REV3L: variants seen among roughly 807,000 people sequenced by gnomAD.
The protein encoded by REV3L is DNA polymerase zeta catalytic subunit.
REV3L carries 69 observed loss-of-function variants against 299.4 expected under a neutral mutation model. The observed-to-expected ratio is 0.23, with a 90% CI of 0.19 to 0.28. The LOEUF (loss-of-function observed/expected upper bound fraction) is 0.28. Among genes scored for constraint, REV3L ranks in the 10% least tolerant of loss-of-function variants. The probability of loss-of-function intolerance (pLI) is 1.00; values close to 1 mark genes in which losing one functional copy is unlikely to be tolerated. For synonymous variants in REV3L, 1,238 were observed against 1,271.4 expected (o/e 0.97, Z 0.56); for missense variants, 3,128 against 3,693.8 (o/e 0.85, Z 3.97).
intron 1 of REV3L, among the ~76,000 whole-genome samples, chr6:111,435,568 T>C (rs1412289616): frequency 1.3e-5 from 2 of 152,102 alleles, no homozygotes; most frequent in African/African-American, 4.8e-5. Flanking sequence ...AAAAAAACAG[T>C]CTCTTCAACA....
chr6:111,483,659 T>C, upstream of REV3L: 1 of 419,942 alleles, frequency 2.4e-6, no homozygotes, highest in Non-Finnish European at 4.8e-6. Context: ...AGACGGTTTT[T>C]CACAAGGTAA....
At chr6:111,431,001 G>T in intron 1 of REV3L, 3 of 1,568,378 alleles carry the variant, frequency 1.9e-6, no homozygotes, top group Non-Finnish European at 2.6e-6. Context: ...GAGGACAAAA[G>T]AACAAAGTCA....
At chr6:111,380,307 T>C (rs1175108931) in intron 10 of REV3L, 88 bp from the exon 11 acceptor site, 11 of 904,256 alleles carry the variant, frequency 1.2e-5, no homozygotes, top group Admixed American at 1.1e-4. Context: ...AGGCTGGAGT[T>C]GGAGTGCAGT....
In REV3L at chr6:111,322,692, C is replaced by T. The variant is rs1774317024; in HGVS notation, c.8242-14G>A. ...ACTATCGCCAACCTGTTGGTACAAA[C>T]ACATTGGAAATAATTTCTTAACATA... On this transcript the variant is annotated splice_polypyrimidine_tract_variant and intron_variant, in intron 25 of 31. Transcript: ENST00000368802. 1 of 1,595,280 alleles carries T rather than the reference C, an allele frequency of 6.3e-7. No individual in the cohort carries two copies. Among genetic ancestry groups the T allele is most frequent in the South Asian group, 1.1e-5 (1 of 90,680 alleles).
chr6:111,395,173 T>C, intron 4 of REV3L, among the ~76,000 whole-genome samples: 1 of 152,234 alleles, frequency 6.6e-6, no homozygotes, highest in Admixed American at 6.5e-5. Context: ...TTGCTCAGGA[T>C]TGCTTTGGCT....
chr6:111,311,010 C>G, intron 29 of REV3L, 59 bp downstream of exon 29: 1 of 1,409,352 alleles, frequency 7.1e-7, no homozygotes, highest in Non-Finnish European at 9.6e-7. Flanking sequence ...TCATTTGGGT[C>G]TTCTAGACCT....
intron 11 of REV3L, among the ~76,000 whole-genome samples, chr6:111,379,726 C>A (rs1780639468): frequency 6.6e-6 from 1 of 152,168 alleles, no homozygotes; most frequent in Admixed American, 6.5e-5. Context: ...ATTTATCACT[C>A]ACATATGTTA....
intron 1 of REV3L, chr6:111,431,568 C>T (rs1008774973): frequency 1.2e-5 from 9 of 778,466 alleles, no homozygotes; most frequent in Admixed American, 1.9e-5. Flanking sequence ...GTCCCTCATA[C>T]AGAGAAATGC....
intron 1 of REV3L, among the ~76,000 whole-genome samples, chr6:111,447,943 G>A (rs907525384): frequency 2.0e-5 from 3 of 151,934 alleles, no homozygotes; most frequent in African/African-American, 4.8e-5. Flanking sequence ...GAATTTATAG[G>A]TTATTTCCCC....
chr6:111,303,701 CTTTTTTTTTTTTTTTTT>C lies in REV3L; in HGVS notation c.9253-3562_9253-3546del, dbSNP rs58366929. ...TTTTTTTTTTTTTAACAGACTATGA[CTTTTTTTTTTTTTTTTT>C]TTTTTTTTTTTTTTTTTTTAAGATG... is the stretch of plus-strand genomic sequence containing the variant. On this transcript the variant is annotated intron_variant, in intron 31 of 31. Coordinates refer to ENST00000368802, the MANE Select transcript of REV3L (RefSeq NM_001372078.1). Among the ~76,000 whole-genome samples the C allele has an allele frequency of 3.0e-3, 38 of 12,644 alleles. No homozygotes were observed. In the East Asian group the frequency reaches 0.05, roughly 17 times the overall value. 8.3% of individuals were successfully genotyped at this position (12,644 alleles called of 152,430 possible).
chr6:111,308,076 G>T, intron 30 of REV3L: 1 of 311,860 alleles, frequency 3.2e-6, no homozygotes, highest in Non-Finnish European at 6.3e-6. Flanking sequence ...GAGAATGATG[G>T]TTTCCAGCTT....
At chr6:111,412,778 A>AC (rs1035130815) in intron 2 of REV3L, among the ~76,000 whole-genome samples, 4 of 151,560 alleles carry the variant, frequency 2.6e-5, no homozygotes, top group Non-Finnish European at 5.9e-5. Flanking sequence ...AAAAAAAAAA[A>AC]AAACAACTAT....
intron 1 of REV3L, among the ~76,000 whole-genome samples, chr6:111,428,443 A>T (rs1040408647): frequency 2.7e-4 from 41 of 152,338 alleles, no homozygotes; most frequent in African/African-American, 8.7e-4. Flanking sequence ...GATACTCTCA[A>T]TAGCACAATG....
chr6:111,402,876 C>T (rs1049482350), intron 4 of REV3L, among the ~76,000 whole-genome samples: 1 of 152,090 alleles, frequency 6.6e-6, no homozygotes, highest in African/African-American at 2.4e-5. Context: ...GCAAAAGATG[C>T]TAAAACACTT....
intron 19 of REV3L, among the ~76,000 whole-genome samples, chr6:111,350,906 C>T (rs1458095101): frequency 6.6e-6 from 1 of 151,922 alleles, no homozygotes; most frequent in African/African-American, 2.4e-5. Context: ...CAATTTTTTG[C>T]AAAGCTAAAA....
chr6:111,433,743 C>A (rs1582976873), intron 1 of REV3L, among the ~76,000 whole-genome samples: 1 of 152,072 alleles, frequency 6.6e-6, no homozygotes, highest in East Asian at 1.9e-4. Flanking sequence ...GACAAGGACA[C>A]AACCAAAAAA....
At chr6:111,343,201 A>G (rs1776700043) in intron 21 of REV3L, among the ~76,000 whole-genome samples, 1 of 152,240 alleles carries the variant, frequency 6.6e-6, no homozygotes, top group African/African-American at 2.4e-5. Context: ...GTGGGTGGGT[A>G]AGTTATATTC....
At chr6:111,468,349 A>G (rs1178317482) in intron 1 of REV3L, among the ~76,000 whole-genome samples, 1 of 152,216 alleles carries the variant, frequency 6.6e-6, no homozygotes, top group Non-Finnish European at 1.5e-5. Context: ...TACCATAAGA[A>G]CTAACGGAGG....
intron 1 of REV3L, among the ~76,000 whole-genome samples, chr6:111,473,016 C>T (rs1792437738): frequency 6.6e-6 from 1 of 152,216 alleles, no homozygotes; most frequent in Non-Finnish European, 1.5e-5. Flanking sequence ...CCAAAGTTTA[C>T]TGTTCCTTAA....
Sources: allele counts gnomAD v4.1 joint callset (sites outside exome capture counted in the v4.1 genomes callset), GRCh38; gene constraint gnomAD v4.1.1; transcripts MANE v1.5; gene names NCBI Gene and HGNC (gene_info 2026-07-23, HGNC 2026-07-21).